Variants in C1QTNF4 observed in about 807,000 individuals in gnomAD.
C1QTNF4 encodes the protein complement C1q tumor necrosis factor-related protein 4.
Under a neutral mutation model 14.6 loss-of-function variants are expected in C1QTNF4, and 12 were observed. That is an observed-to-expected ratio of 0.82 (90% CI 0.53 to 1.33). C1QTNF4 has a LOEUF of 1.33. Among genes scored for constraint, C1QTNF4 ranks in the 40% most tolerant of loss-of-function variants. The pLI is 0.00. For synonymous variants in C1QTNF4, 278 were observed against 246.6 expected (o/e 1.13, Z -1.19); for missense variants, 558 against 500.3 (o/e 1.12, Z -1.10).
intron 1 of C1QTNF4, 107 bp from the exon 2 acceptor site, chr11:47,590,922 C>G (rs1244011521): frequency 7.1e-7 from 1 of 1,415,532 alleles, no homozygotes; most frequent in East Asian, 2.6e-5. Context: ...CTGCCCTTGA[C>G]CCACAAGTAG....
rs772529349 is a variant in C1QTNF4, at chr11:47,590,752, G to T, written c.59C>A (p.Thr20Asn). 6.3e-7 allele frequency: 1 copy of T among 1,594,912 alleles called. No homozygotes were observed. Among genetic ancestry groups the T allele is most frequent in the Non-Finnish European group, 8.5e-7 (1 of 1,171,650 alleles). ...GPAACWALGPTPGPGSSELRS... is the reference protein window; with the variant it reads ...GPAACWALGPNPGPGSSELRS... ...CAGCTCAGAGGATCCCGGGCCGGGGGTCGGGCCCAGGGCCCAGCAGGCCGC... is the reference window on the plus strand; with the variant it reads ...CAGCTCAGAGGATCCCGGGCCGGGGTTCGGGCCCAGGGCCCAGCAGGCCGC... The change falls in exon 2 of 2, where the codon ACC (threonine) becomes AAC (asparagine). Residue 20 changes from threonine to asparagine, a missense_variant. Thr to Asn is a moderately conservative substitution (Grantham distance 65). Transcript: ENST00000302514.
At position 47,590,754 on chromosome 11, in the gene C1QTNF4, C is replaced by CGGGCCCAGGGCCCAGCAGGCCGCT. The variant is rs777249507; in HGVS notation, c.33_56dup (p.Ala12_Pro19dup). On this transcript the variant is annotated inframe_insertion, in exon 2 of 2. Coordinates refer to ENST00000302514, the MANE Select transcript of C1QTNF4 (RefSeq NM_031909.3). The stretch of plus-strand genomic sequence containing the variant: ...GCTCAGAGGATCCCGGGCCGGGGGT[C>CGGGCCCAGGGCCCAGCAGGCCGCT]GGGCCCAGGGCCCAGCAGGCCGCTG... The CGGGCCCAGGGCCCAGCAGGCCGCT allele has an allele frequency of 9.9e-5, 157 of 1,593,722 alleles. No individual in the cohort carries two copies. The highest frequency in any genetic ancestry group is 3.7e-4 in the Admixed American group (21 of 57,404).
Position 47,590,633 on chromosome 11 carries a change from C to T in C1QTNF4, c.178G>A (p.Asp60Asn). 2 of 1,611,196 alleles carry T rather than the reference C, an allele frequency of 1.2e-6. No individual in the cohort carries two copies. The highest frequency in any genetic ancestry group is 2.2e-5 in the East Asian group (1 of 44,792). The stretch of plus-strand genomic sequence containing the variant: ...AACTGGCCGGTGGCCACATCGAAGT[C>T]GCCCCCGATGTTCACGTACACCTTG... Reference protein sequence around the residue: ...FDKVYVNIGGDFDVATGQFRC... With the variant: ...FDKVYVNIGGNFDVATGQFRC... The change falls in exon 2 of 2, where the codon GAC becomes AAC. Residue 60 changes from aspartate to asparagine, a missense_variant. Physicochemically the swap from Asp to Asn is conservative, Grantham distance 23 (BLOSUM62 1). Coordinates refer to ENST00000302514, the MANE Select transcript of C1QTNF4 (RefSeq NM_031909.3).
At position 47,590,803 on chromosome 11, in the gene C1QTNF4, G is replaced by T; in HGVS notation, c.8C>A (p.Pro3Gln). Residue 3 changes from proline (P) to glutamine (Q), a missense_variant, in exon 2 of 2, where the codon CCG becomes CAG. Physicochemically the swap from Pro to Gln is moderately conservative, Grantham distance 76 (BLOSUM62 -1). Coordinates refer to ENST00000302514, the MANE Select transcript of C1QTNF4 (RefSeq NM_031909.3). ML[P>Q]LLLGLLGPAA... ...TGGGCCCAGCAGGCCCAGCAGAAGC[G>T]GCAGCATGGCGCCTGGGAGGGAGAC... is the stretch of plus-strand genomic sequence containing the variant. The T allele has an allele frequency of 6.7e-7, 1 of 1,495,616 alleles. No individual in the cohort carries two copies. The highest frequency in any genetic ancestry group is 8.9e-7 in the Non-Finnish European group (1 of 1,128,958). The allele number at this position is 1,495,616 out of a possible 1,614,324, so 92.6% of individuals were successfully genotyped here.
In C1QTNF4 at chr11:47,589,787, C is replaced by T; in HGVS notation, c.*34G>A. 4.1e-6 allele frequency: 6 copies of T among 1,473,552 alleles called. No homozygotes were observed. The South Asian group carries it at 7.0e-5, about 17-fold the overall frequency. 91.3% of individuals were successfully genotyped at this position (1,473,552 alleles called of 1,614,324 possible). A position where few individuals can be genotyped will look rare whatever the true frequency, so the allele number is the denominator to read the frequency against. ...TCCGGCCCGGCCTGGCATGCACGCC[C>T]CTGGCCCTCCCGGGCTCTTCTCTGG... On this transcript the variant is annotated 3_prime_UTR_variant, in exon 2 of 2. Coordinates refer to ENST00000302514, the MANE Select transcript of C1QTNF4 (RefSeq NM_031909.3).
rs1304398452 is a variant in C1QTNF4 at position 47,590,223 on chromosome 11, C to T, written c.588G>A (p.Pro196=). 6.5e-7 allele frequency: 1 copy of T among 1,540,168 alleles called. No homozygotes were observed. The highest frequency in any genetic ancestry group is 8.7e-7 in the Non-Finnish European group (1 of 1,150,612). ...TGTCGAAGGCGAGTGGTTGGTGCCG[C>T]GGCCCGGGGCCAGCGTCCGAGCCCA... ...SLVGSDAGPG[P]RHQPLAFDTE... Residue 196 remains proline (P), a synonymous_variant, in exon 2 of 2, where the codon CCG becomes CCA. Transcript: ENST00000302514.
intron 1 of C1QTNF4, among the ~76,000 whole-genome samples, chr11:47,593,699 C>T (rs1416835426): frequency 6.6e-6 from 1 of 152,016 alleles, no homozygotes; most frequent in Non-Finnish European, 1.5e-5. Context: ...AGGTGGGGTT[C>T]AAAATAGTCA....
chr11:47,593,142 C>G (rs1006509655), intron 1 of C1QTNF4, among the ~76,000 whole-genome samples: 1 of 152,138 alleles, frequency 6.6e-6, no homozygotes, highest in Non-Finnish European at 1.5e-5. Context: ...TGAGGCCCAA[C>G]AAGGGAAAGC....
At position 47,590,386 on chromosome 11, in the gene C1QTNF4, T is replaced by A; in HGVS notation, c.425A>T (p.Tyr142Phe). 2.7e-6 allele frequency: 4 copies of A among 1,460,194 alleles called. No individual in the cohort carries two copies. Among genetic ancestry groups the A allele is most frequent in the Non-Finnish European group, 3.6e-6 (4 of 1,114,216 alleles). The allele number at this position is 1,460,194 out of a possible 1,614,324, so 90.5% of individuals were successfully genotyped here. A position where few individuals can be genotyped will look rare whatever the true frequency, so the allele number is the denominator to read the frequency against. The change falls in exon 2 of 2, where the codon TAC (tyrosine) becomes TTC (phenylalanine). Residue 142 changes from tyrosine (Y) to phenylalanine (F), a missense_variant. By Grantham distance (22) the Tyr-to-Phe change is conservative (BLOSUM62 3). Transcript: ENST00000302514. ...VWLRLHGAPQ[Y>F]ALGAPGATFS... The stretch of plus-strand genomic sequence containing the variant: ...GGTGGCGCCGGGCGCGCCTAGCGCG[T>A]ACTGCGGGGCGCCATGCAGCCGCAG...
Position 47,589,804 on chromosome 11 carries a change from C to T in C1QTNF4, c.*17G>A. 1 of 1,499,568 alleles carries T rather than the reference C, an allele frequency of 6.7e-7. No individual in the cohort carries two copies. Among genetic ancestry groups the T allele is most frequent in the East Asian group, 2.5e-5 (1 of 40,114 alleles). The allele number at this position is 1,499,568 out of a possible 1,614,324, so 92.9% of individuals were successfully genotyped here. Reference sequence around the variant, plus strand: ...TGCACGCCCCTGGCCCTCCCGGGCTCTTCTCTGGCCCGGGGCTCACAGTAG... The same window carrying T: ...TGCACGCCCCTGGCCCTCCCGGGCTTTTCTCTGGCCCGGGGCTCACAGTAG... On this transcript the variant is annotated 3_prime_UTR_variant, in exon 2 of 2. Coordinates refer to ENST00000302514, the MANE Select transcript of C1QTNF4 (RefSeq NM_031909.3).
intron 1 of C1QTNF4, among the ~76,000 whole-genome samples, chr11:47,593,725 ACTGGGACACAGAG>A (rs1565949873): frequency 6.6e-6 from 1 of 151,920 alleles, no homozygotes; most frequent in Non-Finnish European, 1.5e-5. Flanking sequence ...AAAGAGAAAA[ACTGGGACACAGAG>A]CTGGAGAGAC....
rs751745966 is a variant in C1QTNF4 at position 47,589,991 on chromosome 11, C to G, written c.820G>C (p.Val274Leu). ...SRRREMQSQSVMLALRRGDAV... is the reference protein window; with the variant it reads ...SRRREMQSQSLMLALRRGDAV... ...TCGCCGCGCCGCAGGGCCAGCATCA[C>G]GCTCTGGCTCTGCATCTCGCGGCGC... Residue 274 changes from valine to leucine, a missense_variant, in exon 2 of 2, where the codon GTG (valine) becomes CTG (leucine). Transcript: ENST00000302514. 18 of 1,611,422 alleles carry G rather than the reference C, an allele frequency of 1.1e-5. No individual in the cohort carries two copies. The highest frequency in any genetic ancestry group is 1.4e-5 in the Non-Finnish European group (17 of 1,178,456).
chr11:47,589,775 G>T lies in C1QTNF4; in HGVS notation c.*46C>A, dbSNP rs1249637281. Reference sequence around the variant, plus strand: ...GACTTTCGAGCCTCCGGCCCGGCCTGGCATGCACGCCCCTGGCCCTCCCGG... The same window carrying T: ...GACTTTCGAGCCTCCGGCCCGGCCTTGCATGCACGCCCCTGGCCCTCCCGG... On this transcript the variant is annotated 3_prime_UTR_variant, in exon 2 of 2. Transcript: ENST00000302514. 1 of 1,439,250 alleles carries T rather than the reference G, an allele frequency of 6.9e-7. No homozygotes were observed. The highest frequency in any genetic ancestry group is 9.1e-7 in the Non-Finnish European group (1 of 1,093,572). The allele number at this position is 1,439,250 out of a possible 1,614,324, so 89.2% of individuals were successfully genotyped here.
chr11:47,592,365 A>C (rs2097276086), intron 1 of C1QTNF4, among the ~76,000 whole-genome samples: 1 of 152,212 alleles, frequency 6.6e-6, no homozygotes, highest in African/African-American at 2.4e-5. Context: ...TAAATGGGGA[A>C]GAGACCTCAC....
intron 1 of C1QTNF4, among the ~76,000 whole-genome samples, chr11:47,591,402 T>C (rs564483206): frequency 8.6e-5 from 11 of 128,496 alleles, no homozygotes; most frequent in African/African-American, 1.2e-4. Context: ...CCCCCCTTTT[T>C]TTTTTGAGAC....
intron 1 of C1QTNF4, among the ~76,000 whole-genome samples, chr11:47,592,668 A>T (rs2097276229): frequency 6.6e-6 from 1 of 152,178 alleles, no homozygotes; most frequent in South Asian, 2.1e-4. Context: ...AACAGGAAAG[A>T]AATGAGCTGG....
chr11:47,590,750 G>C lies in C1QTNF4; in HGVS notation c.61C>G (p.Pro21Ala), dbSNP rs533201533. 1 of 1,597,752 alleles carries C rather than the reference G, an allele frequency of 6.3e-7. No homozygotes were observed. The highest frequency in any genetic ancestry group is 2.3e-5 in the East Asian group (1 of 44,040). ...PAACWALGPT[P>A]GPGSSELRSA... ...CGCAGCTCAGAGGATCCCGGGCCGG[G>C]GGTCGGGCCCAGGGCCCAGCAGGCC... Residue 21 changes from proline to alanine, a missense_variant, in exon 2 of 2, where the codon CCC (proline) becomes GCC (alanine). Transcript: ENST00000302514.
chr11:47,593,813 C>T (rs545420670), intron 1 of C1QTNF4, among the ~76,000 whole-genome samples: 2 of 152,106 alleles, frequency 1.3e-5, no homozygotes, highest in Non-Finnish European at 2.9e-5. Context: ...CAGAGTTCCC[C>T]CTTGCCCTGC....
chr11:47,590,253 G>C lies in C1QTNF4; in HGVS notation c.558C>G (p.Ser186Arg), dbSNP rs1460537825. ...CGGGGCCAGCGTCCGAGCCCACCAA[G>C]CTGCGCGTGCGCGCCGCCGAGAAGG... is the stretch of plus-strand genomic sequence containing the variant. ...RSAFSAARTRSLVGSDAGPGP... is the reference protein window; with the variant it reads ...RSAFSAARTRRLVGSDAGPGP... The change falls in exon 2 of 2, where the codon AGC (serine) becomes AGG (arginine). Residue 186 changes from serine to arginine, a missense_variant. Transcript: ENST00000302514. 5 of 1,448,426 alleles carry C rather than the reference G, an allele frequency of 3.5e-6. No individual in the cohort carries two copies. The highest frequency in any genetic ancestry group is 2.5e-5 in the East Asian group (1 of 39,298). The allele number at this position is 1,448,426 out of a possible 1,614,324, so 89.7% of individuals were successfully genotyped here. A position where few individuals can be genotyped will look rare whatever the true frequency, so the allele number is the denominator to read the frequency against.
Sources: gnomAD v4.1 joint callset for allele counts (sites outside exome capture counted in the v4.1 genomes callset) on GRCh38, gnomAD v4.1.1 for gene constraint, MANE v1.5 for transcripts, NCBI Gene and HGNC (gene_info 2026-07-23, HGNC 2026-07-21) for gene names.